The following CEP350 variants were observed in gnomAD, a reference collection of about 807,000 sequenced individuals.
CEP350 encodes centrosome-associated protein 350.
Under a neutral mutation model 331.8 loss-of-function variants are expected in CEP350, and 126 were observed. The ratio of observed to expected loss-of-function variants is 0.38; its 90% CI spans 0.33 to 0.44. The LOEUF is 0.44. Among genes scored for constraint, CEP350 ranks in the 20% least tolerant of loss-of-function variants. CEP350 has a pLI of 1.00. For synonymous variants in CEP350, 1,200 were observed against 1,259.5 expected, an observed-to-expected ratio of 0.95 and a Z score of 1.00; for missense variants, 3,406 against 3,634.6, an observed-to-expected ratio of 0.94 and a Z score of 1.62.
rs747560634 is a variant in CEP350, at chr1:180,041,770, C to A, written c.4330C>A (p.Leu1444Ile). 6.2e-7 allele frequency: 1 copy of A among 1,613,044 alleles called. No homozygotes were observed. Among genetic ancestry groups the A allele is most frequent in the East Asian group, 2.2e-5 (1 of 44,834 alleles). The change falls in exon 19 of 38, where the codon CTC becomes ATC. Residue 1444 changes from leucine (L) to isoleucine (I), a missense_variant. Leu to Ile is a conservative substitution (Grantham distance 5, BLOSUM62 2). Around this residue, in one of 5 missense-constraint regions of CEP350, gnomAD observed 1,857 missense variants for 1,909.2 expected, o/e 0.97. Coordinates refer to ENST00000367607, the MANE Select transcript of CEP350 (RefSeq NM_014810.5). ...AGCTCAGCAGTCAGAAACTGCTCGC[C>A]TCACCACAGACGCAGCACGTCAAAT... ...IAAQQSETAR[L>I]TTDAARQICE...
At chr1:179,971,308 C>T (rs987433926) in intron 1 of CEP350, among the ~76,000 whole-genome samples, 3 of 151,986 alleles carry the variant, frequency 2.0e-5, no homozygotes, top group South Asian at 4.1e-4. Context: ...AGATTATAGG[C>T]GTGAGCCACT....
At chr1:180,006,592 CT>C (rs761839774) in intron 8 of CEP350, 25 bp downstream of exon 8, 622 of 1,100,326 alleles carry the variant, frequency 5.7e-4, no homozygotes, top group Non-Finnish European at 7.1e-4. Context: ...CATGTCCATC[CT>C]TTTTTTTTGT....
chr1:180,003,023 C>T (rs899879474), intron 6 of CEP350, 151 bp from the exon 7 acceptor site: 6 of 574,966 alleles, frequency 1.0e-5, no homozygotes, highest in Non-Finnish European at 1.8e-5. Flanking sequence ...AATAGTTGTG[C>T]AATTTTGTGA....
intron 15 of CEP350, among the ~76,000 whole-genome samples, chr1:180,031,733 C>T (rs763102700): frequency 2.6e-5 from 4 of 151,940 alleles, no homozygotes; most frequent in Non-Finnish European, 4.4e-5. Flanking sequence ...CTCAGGAATT[C>T]TCTCCCTCTA....
intron 5 of CEP350, among the ~76,000 whole-genome samples, chr1:179,995,718 T>A (rs1370201800): frequency 6.6e-6 from 1 of 152,218 alleles, no homozygotes; most frequent in Non-Finnish European, 1.5e-5. Context: ...GAATATGGAC[T>A]TGTGAGAGGT....
intron 1 of CEP350, among the ~76,000 whole-genome samples, chr1:179,965,818 G>T (rs564075190): frequency 6.6e-6 from 1 of 151,694 alleles, no homozygotes; most frequent in Non-Finnish European, 1.5e-5. Context: ...TAGAGACGGG[G>T]TTTCACCATG....
intron 6 of CEP350, among the ~76,000 whole-genome samples, chr1:180,002,583 G>C (rs1251012084): frequency 1.3e-5 from 2 of 152,158 alleles, no homozygotes; most frequent in Non-Finnish European, 2.9e-5. Flanking sequence ...GTTACTGTAT[G>C]ACCCAGGAAT....
chr1:180,107,780 C>T (rs973200308), intron 37 of CEP350, among the ~76,000 whole-genome samples: 2 of 152,140 alleles, frequency 1.3e-5, no homozygotes, highest in African/African-American at 2.4e-5. Context: ...CTATTTACTA[C>T]ATTTCTCTAT....
rs1304750262 is a variant in CEP350 at position 179,954,894 on chromosome 1, G to C, written c.-262G>C. 4.7e-5 allele frequency: 26 copies of C among 547,518 alleles called. No individual in the cohort carries two copies. The East Asian group carries it at 9.1e-4, about 19-fold the overall frequency. The allele number at this position is 547,518 out of a possible 1,614,324, so 33.9% of individuals were successfully genotyped here. The stretch of plus-strand genomic sequence containing the variant: ...AGCGGGGCCAGACCTGCGCCAGAGA[G>C]AACTGCAGGGAGCCGCAGCTCGGGG... On this transcript the variant is annotated 5_prime_UTR_variant, in exon 1 of 38. Coordinates refer to ENST00000367607, the MANE Select transcript of CEP350 (RefSeq NM_014810.5).
chr1:180,060,086 A>G lies in CEP350; in HGVS notation c.5263-2134A>G, dbSNP rs559544167. ...TGGAAAATATAGTTACTTTCTTTAAAATGTACACAATCATTGTATACTCAT... is the reference window on the plus strand; with the variant it reads ...TGGAAAATATAGTTACTTTCTTTAAGATGTACACAATCATTGTATACTCAT... On this transcript the variant is annotated intron_variant, in intron 25 of 37. Coordinates refer to ENST00000367607, the MANE Select transcript of CEP350 (RefSeq NM_014810.5). Among the ~76,000 whole-genome samples, 8 of 152,332 alleles carry G rather than the reference A, an allele frequency of 5.3e-5. No individual in the cohort carries two copies. The South Asian group carries it at 1.7e-3, about 32-fold the overall frequency.
intron 14 of CEP350, among the ~76,000 whole-genome samples, chr1:180,030,874 A>G (rs916755688): frequency 2.6e-5 from 4 of 152,026 alleles, no homozygotes; most frequent in Non-Finnish European, 5.9e-5. Context: ...AGAGTCAGAG[A>G]ATGTGAATAT....
chr1:179,998,656 T>G (rs1268155928), intron 6 of CEP350, among the ~76,000 whole-genome samples: 1 of 152,102 alleles, frequency 6.6e-6, no homozygotes, highest in Non-Finnish European at 1.5e-5. Flanking sequence ...ACTTTTTTAT[T>G]GTAATCAGTT....
intron 17 of CEP350, among the ~76,000 whole-genome samples, chr1:180,040,478 G>T (rs1656689928): frequency 6.6e-6 from 1 of 151,360 alleles, no homozygotes. Context: ...AGAGGTGGGG[G>T]GGTCTCACTC....
At position 179,957,421 on chromosome 1, in the gene CEP350, C is replaced by G. The variant is rs558822661; in HGVS notation, c.-14+2279C>G. 1.4e-4 allele frequency among the ~76,000 whole-genome samples: 22 copies of G among 152,040 alleles called. No individual in the cohort carries two copies. The East Asian group carries it at 4.3e-3, about 29-fold the overall frequency. On this transcript the variant is annotated intron_variant, in intron 1 of 37. Coordinates refer to ENST00000367607, the MANE Select transcript of CEP350 (RefSeq NM_014810.5). Reference sequence around the variant, plus strand: ...GTATTGATTTGTTGTTGTTGTTGTTCATTGTTATCATAAGTGTGATTTTAC... The same window carrying G: ...GTATTGATTTGTTGTTGTTGTTGTTGATTGTTATCATAAGTGTGATTTTAC...
At chr1:180,050,545 C>T (rs1489099075) in intron 22 of CEP350, among the ~76,000 whole-genome samples, 1 of 150,830 alleles carries the variant, frequency 6.6e-6, no homozygotes, top group African/African-American at 2.4e-5. Context: ...CGCCTGTAGT[C>T]CCAGCTACTC....
At chr1:179,997,850 T>C (rs1203465215) in intron 6 of CEP350, among the ~76,000 whole-genome samples, 1 of 152,184 alleles carries the variant, frequency 6.6e-6, no homozygotes, top group Non-Finnish European at 1.5e-5. Flanking sequence ...CAGAAAATAT[T>C]TGAGTACAGA....
intron 1 of CEP350, among the ~76,000 whole-genome samples, chr1:179,966,573 A>T (rs1338682675): frequency 6.6e-6 from 1 of 152,184 alleles, no homozygotes; most frequent in Non-Finnish European, 1.5e-5. Context: ...AGCATGCAAG[A>T]AAAATAAACA....
At chr1:180,086,614 T>A (rs1379217208) in intron 31 of CEP350, among the ~76,000 whole-genome samples, 1 of 152,066 alleles carries the variant, frequency 6.6e-6, no homozygotes, top group Non-Finnish European at 1.5e-5. Flanking sequence ...GATCACAGAT[T>A]TAATAAATGG....
At chr1:180,099,645 G>GA (rs1206546548) in intron 37 of CEP350, among the ~76,000 whole-genome samples, 1 of 151,772 alleles carries the variant, frequency 6.6e-6, no homozygotes, top group African/African-American at 2.4e-5. Flanking sequence ...TTTATATAAT[G>GA]AAAAAAAGTG....
Sources: allele counts gnomAD v4.1 joint callset (sites outside exome capture counted in the v4.1 genomes callset), GRCh38; gene constraint gnomAD v4.1.1; regional missense constraint gnomAD v4.1.1; transcripts MANE v1.5; gene names NCBI Gene and HGNC (gene_info 2026-07-23, HGNC 2026-07-21).